Variants in TMEM165 observed in about 807,000 individuals in gnomAD.
The protein encoded by TMEM165 is transmembrane protein 165, also known as putative divalent cation/proton antiporter TMEM165.
A neutral mutation model predicts 30.0 loss-of-function variants in TMEM165; 19 were observed. The ratio of observed to expected loss-of-function variants is 0.63; its 90% confidence interval spans 0.44 to 0.93. The LOEUF is 0.93. TMEM165 is among the 40% of genes least tolerant of loss of function. TMEM165 has a pLI of 0.00. For missense variants in TMEM165, 340 were observed against 417.0 expected (o/e 0.82, Z 1.61); for synonymous variants, 168 against 162.9 (o/e 1.03, Z -0.24).
chr4:55,433,077 T>C (rs1187230307), intron 3 of TMEM165: 2 of 152,510 alleles, frequency 1.3e-5, no homozygotes, highest in African/African-American at 2.4e-5. Flanking sequence ...TGCCAATAAA[T>C]AAATGAGGCA....
intron 4 of TMEM165, among the ~76,000 whole-genome samples, chr4:55,421,589 T>C (rs1453001860): frequency 1.3e-5 from 2 of 152,130 alleles, no homozygotes; most frequent in Admixed American, 6.5e-5. Context: ...GCCTAAATAT[T>C]ACTTTCAAAT....
intron 1 of TMEM165, among the ~76,000 whole-genome samples, chr4:55,402,372 ATTGT>A (rs1402612437): frequency 8.2e-6 from 1 of 121,718 alleles, no homozygotes; most frequent in Non-Finnish European, 1.6e-5. Flanking sequence ...CTGTGGTGTC[ATTGT>A]TTAAGTGCGT....
chr4:55,422,040 A>G (rs1560397728), intron 4 of TMEM165, among the ~76,000 whole-genome samples: 1 of 152,172 alleles, frequency 6.6e-6, no homozygotes, highest in Non-Finnish European at 1.5e-5. Context: ...TACTTAGCCC[A>G]TGGGAACCCA....
At chr4:55,415,031 C>T (rs1721666322) in intron 2 of TMEM165, among the ~76,000 whole-genome samples, 1 of 152,198 alleles carries the variant, frequency 6.6e-6, no homozygotes, top group African/African-American at 2.4e-5. Context: ...TAGGGATATA[C>T]TTAAAGACAG....
chr4:55,445,071 T>G (rs1407614383), intron 3 of TMEM165, among the ~76,000 whole-genome samples: 1 of 151,976 alleles, frequency 6.6e-6, no homozygotes, highest in Non-Finnish European at 1.5e-5. Flanking sequence ...TTCTGGTGCT[T>G]CTTGCTCTTA....
At chr4:55,418,627 C>T (rs183718819) in intron 4 of TMEM165, among the ~76,000 whole-genome samples, 1 of 152,094 alleles carries the variant, frequency 6.6e-6, no homozygotes, top group East Asian at 1.9e-4. Flanking sequence ...AATTTAGAAA[C>T]AGCCTAATAA....
At chr4:55,441,712 TA>T (rs201987370) in intron 3 of TMEM165, among the ~76,000 whole-genome samples, 2,063 of 152,198 alleles carry the variant, frequency 0.014, 45 homozygotes, top group African/African-American at 0.048. Flanking sequence ...AGTGATATAA[TA>T]GACTTTGGAG....
At chr4:55,440,613 C>T (rs1560413785) in intron 3 of TMEM165, among the ~76,000 whole-genome samples, 3 of 152,106 alleles carry the variant, frequency 2.0e-5, no homozygotes, top group Non-Finnish European at 4.4e-5. Context: ...TTAAAATTGT[C>T]CATATTAAGA....
chr4:55,416,449 T>G (rs924158772), intron 2 of TMEM165, among the ~76,000 whole-genome samples: 2 of 152,238 alleles, frequency 1.3e-5, no homozygotes, highest in Admixed American at 1.3e-4. Flanking sequence ...TACACAGATG[T>G]CTTTCCTTAT....
Position 55,411,197 on chromosome 4 carries a change from A to T in TMEM165, c.208-417A>T, listed in dbSNP as rs1721481106. Among the ~76,000 whole-genome samples the T allele has an allele frequency of 2.0e-5, 3 of 152,238 alleles. No individual in the cohort carries two copies. In the South Asian group the frequency reaches 6.2e-4, roughly 32 times the overall value. On this transcript the variant is annotated intron_variant, in intron 1 of 5. Transcript: ENST00000381334. ...ATAGCAGGTCTGTACTCTGTTCTTA[A>T]AATTGTTTTGGAGAATTATATGTAA...
Position 55,396,173 on chromosome 4 carries a change from C to T in TMEM165, c.-17C>T. On this transcript the variant is annotated 5_prime_UTR_variant, in exon 1 of 6. Transcript: ENST00000381334. ...TTCCTCTTGCGGCGCCCGTGCGCGGCCGGCCCGGCAGGCGGGATGGCGGCC... is the reference window on the plus strand; with the variant it reads ...TTCCTCTTGCGGCGCCCGTGCGCGGTCGGCCCGGCAGGCGGGATGGCGGCC... 2 of 1,354,452 alleles carry T rather than the reference C, an allele frequency of 1.5e-6. No individual in the cohort carries two copies. The highest frequency in any genetic ancestry group is 9.4e-7 in the Non-Finnish European group (1 of 1,066,062). The allele number at this position is 1,354,452 out of a possible 1,614,324, so 83.9% of individuals were successfully genotyped here.
intron 5 of TMEM165, 119 bp downstream of exon 5, chr4:55,424,762 A>G (rs986585413): frequency 1.2e-5 from 8 of 662,828 alleles, no homozygotes; most frequent in African/African-American, 1.9e-5. Flanking sequence ...CTAATTACCT[A>G]CCATCTCTTA....
chr4:55,422,445 A>T (rs1242451960), intron 4 of TMEM165, among the ~76,000 whole-genome samples: 1 of 152,056 alleles, frequency 6.6e-6, no homozygotes, highest in Non-Finnish European at 1.5e-5. Context: ...TTTAGTAAAG[A>T]TGGGGTTTCA....
chr4:55,411,466 G>GT, intron 1 of TMEM165, 148 bp from the exon 2 acceptor site: 6 of 687,294 alleles, frequency 8.7e-6, no homozygotes, highest in Non-Finnish European at 9.8e-6. Flanking sequence ...GGTTACCGTC[G>GT]TTACTGATGG....
intron 3 of TMEM165, among the ~76,000 whole-genome samples, chr4:55,436,885 G>C (rs1425472711): frequency 7.2e-6 from 1 of 139,338 alleles, no homozygotes; most frequent in Admixed American, 7.5e-5. Flanking sequence ...CTATGTCTTT[G>C]GGATGCCTTT....
intron 3 of TMEM165, chr4:55,417,589 G>A (rs756702263): frequency 1.2e-5 from 7 of 577,168 alleles, no homozygotes; most frequent in Non-Finnish European, 2.1e-5. Context: ...ATACTGTTTG[G>A]TTTGTTCAGC....
chr4:55,408,200 G>A (rs1236926744), intron 1 of TMEM165, among the ~76,000 whole-genome samples: 1 of 152,180 alleles, frequency 6.6e-6, no homozygotes, highest in Admixed American at 6.5e-5. Flanking sequence ...ACCATGATTG[G>A]TTGTATGATT....
At chr4:55,421,537 A>C (rs933827887) in intron 4 of TMEM165, among the ~76,000 whole-genome samples, 2 of 152,070 alleles carry the variant, frequency 1.3e-5, no homozygotes, top group African/African-American at 2.4e-5. Context: ...AGTTCATGCA[A>C]TCTGACCACC....
downstream of TMEM165, chr4:55,428,390 C>T (rs1156818918): frequency 6.6e-6 from 1 of 152,078 alleles, no homozygotes; most frequent in Non-Finnish European, 1.5e-5. Flanking sequence ...ATTGTATTTC[C>T]AAACATACAT....
Sources: allele counts gnomAD v4.1 joint callset (sites outside exome capture counted in the v4.1 genomes callset), GRCh38; gene constraint gnomAD v4.1.1; transcripts MANE v1.5; gene names NCBI Gene and HGNC (gene_info 2026-07-23, HGNC 2026-07-21).